Variants in PIK3C2G observed in about 807,000 individuals in gnomAD.
The protein encoded by PIK3C2G is phosphatidylinositol 3-kinase C2 domain-containing subunit gamma.
Under a neutral mutation model 181.1 loss-of-function variants are expected in PIK3C2G, and 168 were observed. The ratio of observed to expected loss-of-function variants is 0.93; its 90% CI spans 0.82 to 1.05. The LOEUF is 1.05. Among genes scored for constraint, PIK3C2G ranks in the 50% least tolerant of loss-of-function variants. PIK3C2G has a pLI of 0.00. For missense variants in PIK3C2G, 1,869 were observed against 1,732.8 expected (o/e 1.08, Z -1.40); for synonymous variants, 573 against 592.2 (o/e 0.97, Z 0.47).
chr12:18,379,608 T>C (rs1006106082), intron 13 of PIK3C2G, among the ~76,000 whole-genome samples: 1 of 152,100 alleles, frequency 6.6e-6, no homozygotes, highest in Non-Finnish European at 1.5e-5. Context: ...GAAAACAAAA[T>C]CATAAAAGCA....
At chr12:18,714,238 A>G in the PIK3C2G span, among the ~76,000 whole-genome samples, 1 of 152,178 alleles carries the variant, frequency 6.6e-6, no homozygotes, top group Admixed American at 6.5e-5. Context: ...ACAGACACAT[A>G]CAAAGAGTTG....
intron 24 of PIK3C2G, among the ~76,000 whole-genome samples, chr12:18,523,969 A>T (rs1418295257): frequency 3.9e-5 from 6 of 152,194 alleles, no homozygotes; most frequent in Admixed American, 3.9e-4. Flanking sequence ...TGTTTTCTCC[A>T]TTATAATGTT....
intron 20 of PIK3C2G, among the ~76,000 whole-genome samples, chr12:18,494,066 T>C (rs1343717905): frequency 6.6e-6 from 1 of 152,356 alleles, no homozygotes; most frequent in South Asian, 2.1e-4. Context: ...CTGTCATTAA[T>C]GTGTGCTTCT....
intron 31 of PIK3C2G, among the ~76,000 whole-genome samples, chr12:18,616,827 A>T (rs1205980564): frequency 1.3e-5 from 2 of 152,140 alleles, no homozygotes; most frequent in Non-Finnish European, 2.9e-5. Flanking sequence ...TGTTTTATAA[A>T]ATTGTTTTAA....
intron 24 of PIK3C2G, among the ~76,000 whole-genome samples, chr12:18,506,163 C>A (rs1368073666): frequency 6.6e-6 from 1 of 151,962 alleles, no homozygotes; most frequent in African/African-American, 2.4e-5. Context: ...GAAGAGAATT[C>A]CAGGAAGAAA....
At chr12:18,639,624 G>A (rs1222400858) in intron 31 of PIK3C2G, among the ~76,000 whole-genome samples, 3 of 152,098 alleles carry the variant, frequency 2.0e-5, no homozygotes, top group Admixed American at 6.5e-5. Flanking sequence ...TTTGAAACAG[G>A]GGAGTCATTC....
chr12:18,245,497 G>GA (rs35071119), upstream of PIK3C2G, among the ~76,000 whole-genome samples: 65,315 of 151,544 alleles, frequency 0.43, 14,628 homozygotes, highest in East Asian at 0.75. Flanking sequence ...ATTTGGGAGG[G>GA]AAAAAAATCT....
the PIK3C2G span, chr12:18,688,086 C>T: frequency 6.2e-7 from 1 of 1,610,458 alleles, no homozygotes; most frequent in Non-Finnish European, 8.5e-7. Flanking sequence ...ATCAGGAGCT[C>T]ACCATTTTTT....
At chr12:18,245,083 A>T (rs941708838), upstream of PIK3C2G, among the ~76,000 whole-genome samples, 1 of 152,140 alleles carries the variant, frequency 6.6e-6, no homozygotes, top group African/African-American at 2.4e-5. Flanking sequence ...ACTGAAAAAT[A>T]CTTTAAGAGA....
intron 1 of PIK3C2G, among the ~76,000 whole-genome samples, chr12:18,266,836 C>G (rs4454772): frequency 0.059 from 8,989 of 151,496 alleles, 890 homozygotes; most frequent in East Asian, 0.48. Flanking sequence ...CCTTCTTCCT[C>G]CTCCTCCTCA....
chr12:18,442,960 C>A lies in PIK3C2G; in HGVS notation c.2504+18921C>A, dbSNP rs546946383. On this transcript the variant is annotated intron_variant, in intron 18 of 32. Coordinates refer to ENST00000538779, the MANE Select transcript of PIK3C2G (RefSeq NM_001288772.2). ...AATCTCGGCTCACTGCAAACTCCAC[C>A]TCCCGGGTTCAAGAGATTCTCCTGC... 3.9e-5 allele frequency among the ~76,000 whole-genome samples: 6 copies of A among 152,176 alleles called. No homozygotes were observed. The South Asian group carries it at 1.2e-3, about 32-fold the overall frequency.
At chr12:18,647,541 G>T (rs907791131) in intron 32 of PIK3C2G, among the ~76,000 whole-genome samples, 2 of 151,542 alleles carry the variant, frequency 1.3e-5, no homozygotes, top group African/African-American at 4.9e-5. Flanking sequence ...ATACATAATA[G>T]CTGTACATAT....
intron 24 of PIK3C2G, among the ~76,000 whole-genome samples, chr12:18,508,730 T>G (rs1437236036): frequency 2.6e-5 from 4 of 152,092 alleles, no homozygotes; most frequent in Admixed American, 2.6e-4. Flanking sequence ...AAGCTTAGCG[T>G]TCCAGTAATG....
chr12:18,251,664 G>T (rs1428666494), intron 1 of PIK3C2G, among the ~76,000 whole-genome samples: 1 of 151,972 alleles, frequency 6.6e-6, no homozygotes, highest in South Asian at 2.1e-4. Flanking sequence ...TACTTAATCT[G>T]TTTTTCTTGA....
At chr12:18,387,052 C>T (rs947434766) in intron 14 of PIK3C2G, among the ~76,000 whole-genome samples, 15 of 152,148 alleles carry the variant, frequency 9.9e-5, no homozygotes, top group Admixed American at 9.8e-4. Context: ...TCCAAAATTA[C>T]TTTCACCCTC....
intron 24 of PIK3C2G, among the ~76,000 whole-genome samples, chr12:18,507,154 G>A (rs535468939): frequency 5.9e-5 from 9 of 151,704 alleles, no homozygotes; most frequent in South Asian, 2.1e-4. Flanking sequence ...CTCAGCCTCC[G>A]GAGTAGCTGG....
chr12:18,271,733 C>T (rs756055061), intron 1 of PIK3C2G, among the ~76,000 whole-genome samples: 8 of 152,130 alleles, frequency 5.3e-5, no homozygotes, highest in East Asian at 1.9e-4. Context: ...ATCTCTTAAC[C>T]GTCTTTAAAA....
chr12:18,539,913 TG>T (rs1944061027), intron 25 of PIK3C2G, among the ~76,000 whole-genome samples: 1 of 151,888 alleles, frequency 6.6e-6, no homozygotes, highest in South Asian at 2.1e-4. Flanking sequence ...GGATTCTTAT[TG>T]GTAAATTTGC....
At chr12:18,304,672 A>C (rs1950345795) in intron 5 of PIK3C2G, among the ~76,000 whole-genome samples, 1 of 152,364 alleles carries the variant, frequency 6.6e-6, no homozygotes, top group African/African-American at 2.4e-5. Flanking sequence ...CATAATATAT[A>C]CAGTTTTAAG....
Sources: gnomAD v4.1 joint callset for allele counts (sites outside exome capture counted in the v4.1 genomes callset) on GRCh38, gnomAD v4.1.1 for gene constraint, MANE v1.5 for transcripts, NCBI Gene and HGNC (gene_info 2026-07-23, HGNC 2026-07-21) for gene names.